The following ZMAT4 variants were observed in gnomAD, a reference collection of about 807,000 sequenced individuals.
The protein encoded by ZMAT4 is zinc finger matrin-type protein 4.
Under a neutral mutation model 28.7 loss-of-function variants are expected in ZMAT4, and 17 were observed. That is an observed-to-expected ratio of 0.59 (90% CI 0.41 to 0.89). ZMAT4 has a LOEUF of 0.89. ZMAT4 is among the 40% of genes least tolerant of loss of function. The pLI is 0.00. For synonymous variants in ZMAT4, 117 were observed against 109.2 expected, an observed-to-expected ratio of 1.07 and a Z score of -0.44; for missense variants, 240 against 283.8, an observed-to-expected ratio of 0.85 and a Z score of 1.11.
intron 2 of ZMAT4, among the ~76,000 whole-genome samples, chr8:40,770,512 C>G (rs1813344572): frequency 6.7e-6 from 1 of 149,876 alleles, no homozygotes; most frequent in Non-Finnish European, 1.5e-5. Flanking sequence ...TTCCCTCCCT[C>G]CCTCCCTTTC....
chr8:40,599,443 A>T (rs1159127622), intron 5 of ZMAT4, among the ~76,000 whole-genome samples: 1 of 152,156 alleles, frequency 6.6e-6, no homozygotes, highest in African/African-American at 2.4e-5. Context: ...TTCCATACTG[A>T]CTTCCAGAAA....
chr8:40,552,028 G>A (rs535423496), intron 6 of ZMAT4, among the ~76,000 whole-genome samples: 4 of 152,224 alleles, frequency 2.6e-5, no homozygotes, highest in Non-Finnish European at 5.9e-5. Context: ...AACAAATGCC[G>A]GCTGAATCAG....
chr8:40,599,745 G>T (rs867963415), intron 5 of ZMAT4, among the ~76,000 whole-genome samples: 7 of 152,360 alleles, frequency 4.6e-5, no homozygotes, highest in South Asian at 4.1e-4. Context: ...AAGACATCTG[G>T]ATGGGAGACA....
At chr8:40,654,186 C>T (rs1306722661) in intron 5 of ZMAT4, among the ~76,000 whole-genome samples, 4 of 152,148 alleles carry the variant, frequency 2.6e-5, no homozygotes, top group Non-Finnish European at 4.4e-5. Flanking sequence ...GCCACCACTG[C>T]CTTCATGGCT....
intron 5 of ZMAT4, among the ~76,000 whole-genome samples, chr8:40,617,082 C>G (rs1371929761): frequency 2.0e-5 from 3 of 152,076 alleles, no homozygotes; most frequent in Non-Finnish European, 4.4e-5. Flanking sequence ...ATCATGATGT[C>G]ACAATGTGAT....
chr8:40,798,911 C>CT (rs11445128), intron 2 of ZMAT4, among the ~76,000 whole-genome samples: 85,007 of 151,952 alleles, frequency 0.56, 23,978 homozygotes, highest in East Asian at 0.66. Context: ...TTGGAAGGGG[C>CT]TTTTTTCAGG....
chr8:40,678,942 T>C (rs1809024399), intron 4 of ZMAT4, among the ~76,000 whole-genome samples: 1 of 152,158 alleles, frequency 6.6e-6, no homozygotes, highest in South Asian at 2.1e-4. Context: ...ATAAACACAG[T>C]GTATGGTATC....
At chr8:40,722,994 A>G (rs902495344) in intron 3 of ZMAT4, among the ~76,000 whole-genome samples, 1 of 152,040 alleles carries the variant, frequency 6.6e-6, no homozygotes, top group African/African-American at 2.4e-5. Flanking sequence ...ATTTCTTCCC[A>G]CCCCATTGTA....
intron 5 of ZMAT4, among the ~76,000 whole-genome samples, chr8:40,634,605 C>G (rs1420688666): frequency 6.6e-6 from 1 of 152,180 alleles, no homozygotes; most frequent in African/African-American, 2.4e-5. Context: ...TTAAGAGGCT[C>G]CAGAAGTTTT....
intron 5 of ZMAT4, among the ~76,000 whole-genome samples, chr8:40,649,403 A>G (rs1156720123): frequency 7.2e-5 from 11 of 152,206 alleles, no homozygotes; most frequent in Non-Finnish European, 7.3e-5. Flanking sequence ...CACCCAATAC[A>G]AGAGCACCAA....
chr8:40,834,251 C>T (rs192516552), intron 1 of ZMAT4, among the ~76,000 whole-genome samples: 5 of 152,222 alleles, frequency 3.3e-5, no homozygotes, highest in Admixed American at 2.6e-4. Flanking sequence ...GCCTGCAGGG[C>T]GGTTCTCTGG....
chr8:40,695,443 G>A (rs1282941962), intron 4 of ZMAT4, among the ~76,000 whole-genome samples: 2 of 152,204 alleles, frequency 1.3e-5, no homozygotes, highest in Admixed American at 1.3e-4. Flanking sequence ...GGTGTGAAGG[G>A]GGAGCTGGCG....
chr8:40,861,509 C>T (rs1028041898), intron 1 of ZMAT4, among the ~76,000 whole-genome samples: 7 of 152,206 alleles, frequency 4.6e-5, no homozygotes, highest in African/African-American at 1.7e-4. Context: ...AGGACATAGG[C>T]ATGGGCAAGG....
At chr8:40,541,281 A>G (rs1232242283) in intron 6 of ZMAT4, among the ~76,000 whole-genome samples, 1 of 152,176 alleles carries the variant, frequency 6.6e-6, no homozygotes, top group Non-Finnish European at 1.5e-5. Context: ...TATACCTTCT[A>G]GAAGCCAAGA....
intron 3 of ZMAT4, among the ~76,000 whole-genome samples, chr8:40,723,919 C>T (rs967867878): frequency 4.6e-5 from 7 of 152,140 alleles, no homozygotes; most frequent in Non-Finnish European, 8.8e-5. Flanking sequence ...TGTGAAAATG[C>T]ACCCTGGTTC....
Position 40,747,745 on chromosome 8 carries a change from T to C in ZMAT4, c.192+19896A>G, listed in dbSNP as rs79879810. Among the ~76,000 whole-genome samples the C allele has an allele frequency of 8.5e-5, 13 of 152,286 alleles. No individual in the cohort carries two copies. The East Asian group carries it at 2.5e-3, about 29-fold the overall frequency. On this transcript the variant is annotated intron_variant, in intron 3 of 6. Coordinates refer to ENST00000297737, the MANE Select transcript of ZMAT4 (RefSeq NM_024645.3). Reference sequence around the variant, plus strand: ...TTTCATCCCCCATTACAGTAAGGGATATAATAGATAATGAGAGACCAAACA... The same window carrying C: ...TTTCATCCCCCATTACAGTAAGGGACATAATAGATAATGAGAGACCAAACA...
chr8:40,890,583 C>T (rs955895775), intron 1 of ZMAT4, among the ~76,000 whole-genome samples: 3 of 152,102 alleles, frequency 2.0e-5, no homozygotes, highest in Admixed American at 1.3e-4. Context: ...CCCCTTTGCG[C>T]CCCTCTCAAA....
chr8:40,889,311 G>A (rs546880487), intron 1 of ZMAT4, among the ~76,000 whole-genome samples: 8 of 152,318 alleles, frequency 5.3e-5, no homozygotes, highest in Admixed American at 1.3e-4. Flanking sequence ...TCACGTGAGC[G>A]TTTATCTTCT....
At chr8:40,871,070 C>T (rs1298382240) in intron 1 of ZMAT4, among the ~76,000 whole-genome samples, 2 of 152,154 alleles carry the variant, frequency 1.3e-5, no homozygotes, top group Non-Finnish European at 2.9e-5. Context: ...AGACATTCTC[C>T]ATCCCCAAAG....
Sources: allele counts gnomAD v4.1 joint callset (sites outside exome capture counted in the v4.1 genomes callset), GRCh38; gene constraint gnomAD v4.1.1; transcripts MANE v1.5; gene names NCBI Gene and HGNC (gene_info 2026-07-23, HGNC 2026-07-21).